The following CBR4 variants were observed in gnomAD, a reference collection of about 807,000 sequenced individuals.
CBR4 encodes the protein 3-oxoacyl-[acyl-carrier-protein] reductase.
CBR4 carries 22 observed loss-of-function variants against 21.0 expected under a neutral mutation model. The observed-to-expected ratio is 1.05, with a 90% confidence interval of 0.75 to 1.50. CBR4 has a LOEUF of 1.50. Ranked by LOEUF, CBR4 falls within the 40% of genes most tolerant of loss-of-function variation. The pLI, the probability that CBR4 is intolerant of heterozygous loss-of-function variation, is 0.00. For synonymous variants in CBR4, 100 were observed against 104.4 expected (o/e 0.96, Z 0.26); for missense variants, 302 against 286.3 (o/e 1.05, Z -0.40).
chr4:168,944,246 A>G (rs924330629), intron 2 of CBR4, among the ~76,000 whole-genome samples: 2 of 152,074 alleles, frequency 1.3e-5, no homozygotes, highest in Admixed American at 6.5e-5. Flanking sequence ...GGAGTTTGAG[A>G]CCAGCTTAGG....
At chr4:169,004,883 A>C (rs1730774857) in intron 3 of CBR4, among the ~76,000 whole-genome samples, 1 of 152,244 alleles carries the variant, frequency 6.6e-6, no homozygotes. Flanking sequence ...TTTTTAATTC[A>C]AATATCAACT....
At chr4:168,927,111 A>AGCAGAAATATATT (rs1419438954) in intron 2 of CBR4, 2 of 225,716 alleles carry the variant, frequency 8.9e-6, no homozygotes, top group Non-Finnish European at 8.8e-6. Context: ...CTCTGAATAA[A>AGCAGAAATATATT]GCAGAAATAT....
At chr4:168,922,098 T>TACACACACACACAC (rs1351389289) in intron 2 of CBR4, among the ~76,000 whole-genome samples, 1 of 107,618 alleles carries the variant, frequency 9.3e-6, no homozygotes, top group African/African-American at 3.1e-5. Context: ...TATATATATA[T>TACACACACACACAC]ATATACACAC....
intron 2 of CBR4, among the ~76,000 whole-genome samples, chr4:168,925,843 C>T (rs1032555338): frequency 6.6e-6 from 1 of 152,152 alleles, no homozygotes; most frequent in Non-Finnish European, 1.5e-5. Flanking sequence ...CATCCACATC[C>T]AGCAGAATTC....
intron 2 of CBR4, among the ~76,000 whole-genome samples, chr4:168,904,780 T>C (rs887230800): frequency 3.3e-5 from 5 of 152,162 alleles, no homozygotes; most frequent in African/African-American, 1.2e-4. Flanking sequence ...TTGAAGAAAA[T>C]ATTTAGCATT....
chr4:169,010,175 C>CAAAA lies in CBR4; in HGVS notation c.-90_-87dup. On this transcript the variant is annotated 5_prime_UTR_variant, in exon 1 of 5. Coordinates refer to ENST00000306193, the MANE Select transcript of CBR4 (RefSeq NM_032783.5). ...TCAGGCTTTTAAACAACCGCGGTTCCAAAAAAAAAAAAAAGAAAAAAAAAG... is the reference window on the plus strand; with the variant it reads ...TCAGGCTTTTAAACAACCGCGGTTCCAAAAAAAAAAAAAAAAAAGAAAAAAAAAG... 1.5e-6 allele frequency: 1 copy of CAAAA among 664,130 alleles called. No individual in the cohort carries two copies. The highest frequency in any genetic ancestry group is 4.9e-5 in the South Asian group (1 of 20,244). 41.1% of individuals were successfully genotyped at this position (664,130 alleles called of 1,614,324 possible). A position where few individuals can be genotyped will look rare whatever the true frequency, so the allele number is the denominator to read the frequency against.
At chr4:168,997,109 C>T (rs1194374734) in intron 4 of CBR4, among the ~76,000 whole-genome samples, 1 of 151,378 alleles carries the variant, frequency 6.6e-6, no homozygotes, top group African/African-American at 2.4e-5. Flanking sequence ...CCCCTTTTTG[C>T]TAGGTATATA....
rs542726221 is a variant in CBR4 at position 168,979,678 on chromosome 4, A to G, written n.169+22393T>C. ...GGAGAGGAACCAGTCTCTCTTCCCT[A>G]TGAGCCCCCACCGCCTACTCTTCAC... On this transcript the variant is annotated intron_variant and non_coding_transcript_variant, in intron 2 of 3. Transcript: ENST00000509108. Among the ~76,000 whole-genome samples the G allele has an allele frequency of 1.4e-3, 207 of 151,880 alleles. 2 individuals are homozygous for G. Among genetic ancestry groups the G allele is most frequent in the Admixed American group, 8.0e-3 (122 of 15,278 alleles).
At chr4:169,004,997 T>G (rs1485948291) in intron 3 of CBR4, among the ~76,000 whole-genome samples, 1 of 152,204 alleles carries the variant, frequency 6.6e-6, no homozygotes. Flanking sequence ...ACAAAATTTT[T>G]TTAAAGTAAT....
chr4:168,903,848 C>A (rs1177322659), intron 2 of CBR4: 1 of 1,613,686 alleles, frequency 6.2e-7, no homozygotes, highest in Non-Finnish European at 8.5e-7. Context: ...TCCCTCCATA[C>A]CACAGCCTCC....
chr4:168,970,706 G>A (rs1456625413), intron 2 of CBR4, among the ~76,000 whole-genome samples: 1 of 151,130 alleles, frequency 6.6e-6, no homozygotes, highest in Non-Finnish European at 1.5e-5. Flanking sequence ...CCACTCATAA[G>A]TGAGAACATA....
In CBR4 at chr4:168,939,109, C is replaced by T. The variant is rs571630900; in HGVS notation, n.170-44344G>A. Among the ~76,000 whole-genome samples, 97 of 152,222 alleles carry T rather than the reference C, an allele frequency of 6.4e-4. 1 individual carries two copies. Among genetic ancestry groups the T allele is most frequent in the Non-Finnish European group, 1.4e-3 (92 of 68,000 alleles). On this transcript the variant is annotated intron_variant and non_coding_transcript_variant, in intron 2 of 3. Transcript: ENST00000509108. The stretch of plus-strand genomic sequence containing the variant: ...AAAAGCTTATCTACCACGATCAAGT[C>T]GACTTCATCCATGGGATGCAAGGCT...
Position 169,007,579 on chromosome 4 carries a change from T to C in CBR4, c.263+57A>G, listed in dbSNP as rs1028208443. On this transcript the variant is annotated intron_variant, in intron 2 of 4. Transcript: ENST00000306193. ...TTAACTTATACCAATCAAAGACATA[T>C]TAGGAATAAAAGTTTTAAATATATA... is the stretch of plus-strand genomic sequence containing the variant. The C allele has an allele frequency of 1.8e-5, 20 of 1,088,468 alleles. No homozygotes were observed. In the African/African-American group the frequency reaches 2.8e-4, roughly 15 times the overall value. 67.4% of individuals were successfully genotyped at this position (1,088,468 alleles called of 1,614,324 possible).
At chr4:168,986,565 A>G (rs1211911441), downstream of CBR4, among the ~76,000 whole-genome samples, 1 of 152,164 alleles carries the variant, frequency 6.6e-6, no homozygotes, top group African/African-American at 2.4e-5. Context: ...TTTTGTCACC[A>G]TTCTACCTCC....
intron 3 of CBR4, among the ~76,000 whole-genome samples, chr4:169,003,741 A>AT (rs1730656458): frequency 6.6e-6 from 1 of 152,236 alleles, no homozygotes; most frequent in Admixed American, 6.5e-5. Context: ...AATGTGGCAC[A>AT]TATACACCAT....
chr4:168,918,221 A>T (rs2173810), intron 2 of CBR4, among the ~76,000 whole-genome samples: 3 of 150,986 alleles, frequency 2.0e-5, no homozygotes, highest in African/African-American at 4.9e-5. Context: ...AAATGAAATC[A>T]GTAGCAATAT....
chr4:168,954,832 A>C (rs545991934), intron 2 of CBR4, among the ~76,000 whole-genome samples: 1 of 152,322 alleles, frequency 6.6e-6, no homozygotes, highest in East Asian at 1.9e-4. Context: ...ATGCAGCAGA[A>C]AACAATCAGT....
chr4:168,990,706 G>A (rs1764876588), intron 4 of CBR4, among the ~76,000 whole-genome samples: 1 of 151,560 alleles, frequency 6.6e-6, no homozygotes, highest in South Asian at 2.1e-4. Flanking sequence ...ACAGGCATGA[G>A]CCACCATACC....
chr4:168,944,273 C>T (rs1221931219), intron 2 of CBR4, among the ~76,000 whole-genome samples: 1 of 151,554 alleles, frequency 6.6e-6, no homozygotes, highest in Non-Finnish European at 1.5e-5. Flanking sequence ...AGTGAGACCC[C>T]CCATCTCTAA....
Sources: allele counts gnomAD v4.1 joint callset (sites outside exome capture counted in the v4.1 genomes callset), GRCh38; gene constraint gnomAD v4.1.1; transcripts MANE v1.5; gene names NCBI Gene and HGNC (gene_info 2026-07-23, HGNC 2026-07-21).